The following MCM9 variants were observed in gnomAD, a reference collection of about 807,000 sequenced individuals.
MCM9 encodes the protein DNA helicase MCM9.
Under a neutral mutation model 72.8 loss-of-function variants are expected in MCM9, and 55 were observed. That is an observed-to-expected ratio of 0.76 (90% CI 0.61 to 0.95). The LOEUF is 0.95. Among genes scored for constraint, MCM9 ranks in the 40% least tolerant of loss-of-function variants. The probability of loss-of-function intolerance (pLI) is 0.00; values close to 1 mark genes in which losing one functional copy is unlikely to be tolerated. For missense variants in MCM9, 1,279 were observed against 1,377.0 expected, an observed-to-expected ratio of 0.93 and a Z score of 1.13; for synonymous variants, 480 against 503.4, an observed-to-expected ratio of 0.95 and a Z score of 0.62.
chr6:118,898,816 C>T (rs1050667753), intron 8 of MCM9, among the ~76,000 whole-genome samples: 2 of 152,200 alleles, frequency 1.3e-5, no homozygotes, highest in African/African-American at 4.8e-5. Context: ...TTTTGGGTCA[C>T]CTACCTCATT....
chr6:118,909,486 GT>G (rs1000202408), intron 8 of MCM9, among the ~76,000 whole-genome samples: 6 of 152,088 alleles, frequency 3.9e-5, no homozygotes, highest in African/African-American at 9.6e-5. Context: ...TAGCACATAA[GT>G]TTTTTTTCCA....
intron 9 of MCM9, among the ~76,000 whole-genome samples, chr6:118,853,469 T>C (rs971727722): frequency 6.6e-6 from 1 of 151,918 alleles, no homozygotes; most frequent in Admixed American, 6.6e-5. Flanking sequence ...TTAATTTCAA[T>C]AGGTTTTTGG....
intron 8 of MCM9, among the ~76,000 whole-genome samples, chr6:118,903,763 T>C (rs1250249253): frequency 6.6e-6 from 1 of 151,128 alleles, no homozygotes; most frequent in African/African-American, 2.5e-5. Context: ...TTTAAATTTG[T>C]TTTTGTAGAG....
chr6:118,833,142 C>T (rs1032758394), intron 9 of MCM9, among the ~76,000 whole-genome samples: 1 of 152,042 alleles, frequency 6.6e-6, no homozygotes, highest in Non-Finnish European at 1.5e-5. Flanking sequence ...GAATCATTGT[C>T]GGAGCAGAGC....
chr6:118,831,188 A>G (rs1266251154), intron 9 of MCM9, among the ~76,000 whole-genome samples: 1 of 152,084 alleles, frequency 6.6e-6, no homozygotes, highest in East Asian at 1.9e-4. Context: ...CCCCATCCCT[A>G]CTAAAAATAC....
chr6:118,856,907 C>G (rs1227648001), intron 8 of MCM9, among the ~76,000 whole-genome samples: 1 of 151,998 alleles, frequency 6.6e-6, no homozygotes, highest in Non-Finnish European at 1.5e-5. Context: ...CATATCTTAA[C>G]CTATGAAAGG....
At chr6:118,919,158 G>A (rs1485073410) in intron 5 of MCM9, 2 of 152,156 alleles carry the variant, frequency 1.3e-5, no homozygotes, top group African/African-American at 4.8e-5. Context: ...TGTTTAGGTT[G>A]TTTCTAAACT....
chr6:118,841,332 G>A (rs1364741052), intron 9 of MCM9, among the ~76,000 whole-genome samples: 1 of 152,142 alleles, frequency 6.6e-6, no homozygotes, highest in Non-Finnish European at 1.5e-5. Context: ...ACCCAGTAGG[G>A]TTGGCTGGAC....
At chr6:118,920,036 G>A (rs1323248390) in intron 5 of MCM9, 1 of 152,108 alleles carries the variant, frequency 6.6e-6, no homozygotes, top group Non-Finnish European at 1.5e-5. Flanking sequence ...AATGACATTT[G>A]AAAGAAAAAC....
chr6:118,842,732 T>C (rs1290702732), intron 9 of MCM9, among the ~76,000 whole-genome samples: 1 of 152,008 alleles, frequency 6.6e-6, no homozygotes, highest in Non-Finnish European at 1.5e-5. Context: ...GTTGCCCAGG[T>C]TGGTCTTGAA....
Position 118,815,591 on chromosome 6 carries a change from C to G in MCM9, c.2665G>C (p.Asp889His). The change falls in exon 14 of 14, where the codon GAC becomes CAC. Residue 889 changes from aspartate to histidine, a missense_variant. Coordinates refer to ENST00000619706, the MANE Select transcript of MCM9 (RefSeq NM_017696.3). Reference protein sequence around the residue: ...TPVHSPDRMLDSPKRKRPKSL... With the variant: ...TPVHSPDRMLHSPKRKRPKSL... ...TTCGGTCTCTTTCTTTTGGGTGAGTCCAGCATTCTGTCTGGGCTATGTACA... is the reference window on the plus strand; with the variant it reads ...TTCGGTCTCTTTCTTTTGGGTGAGTGCAGCATTCTGTCTGGGCTATGTACA... 1.3e-6 allele frequency: 2 copies of G among 1,550,502 alleles called. No individual in the cohort carries two copies. The highest frequency in any genetic ancestry group is 1.7e-6 in the Non-Finnish European group (2 of 1,146,958).
chr6:118,828,315 A>G (rs1774304245), intron 10 of MCM9, among the ~76,000 whole-genome samples, 185 bp from the exon 11 acceptor site: 1 of 152,180 alleles, frequency 6.6e-6, no homozygotes, highest in Admixed American at 6.5e-5. Flanking sequence ...AATAAAGGTA[A>G]GCTTCCTGCC....
At chr6:118,821,908 ATTGAT>A (rs1333169778) in intron 13 of MCM9, among the ~76,000 whole-genome samples, 1 of 151,890 alleles carries the variant, frequency 6.6e-6, no homozygotes, top group Non-Finnish European at 1.5e-5. Context: ...CTCACGCTTG[ATTGAT>A]TTGAGTACTG....
At chr6:118,883,396 A>C (rs1182531927) in intron 8 of MCM9, among the ~76,000 whole-genome samples, 1 of 151,862 alleles carries the variant, frequency 6.6e-6, no homozygotes, top group Non-Finnish European at 1.5e-5. Context: ...GAAGGAGGGG[A>C]ACTAAAAGGA....
At chr6:118,889,367 T>C (rs560559091) in intron 8 of MCM9, among the ~76,000 whole-genome samples, 93 of 152,348 alleles carry the variant, frequency 6.1e-4, no homozygotes, top group Non-Finnish European at 1.0e-3. Context: ...ATGTCATTTG[T>C]CTCTATAGTA....
intron 8 of MCM9, among the ~76,000 whole-genome samples, chr6:118,869,599 C>A (rs377514545): frequency 5.8e-3 from 339 of 58,110 alleles, no homozygotes; most frequent in Middle Eastern, 0.021. Flanking sequence ...AAAGGATTTA[C>A]AAAAAAAAAA....
rs78503624 is a variant in MCM9 at position 118,915,909 on chromosome 6, A to G, written c.904+1652T>C. Among the ~76,000 whole-genome samples the G allele has an allele frequency of 6.5e-3, 995 of 152,352 alleles. 7 individuals carry two copies. The highest frequency in any genetic ancestry group is 0.022 in the African/African-American group (926 of 41,572). On this transcript the variant is annotated intron_variant, in intron 6 of 13. Coordinates refer to ENST00000619706, the MANE Select transcript of MCM9 (RefSeq NM_017696.3). ...CAAGACAGATTCTTTAATTGCCAGCACAAAGCACGTCTGAAGATCTAGTTA... is the reference window on the plus strand; with the variant it reads ...CAAGACAGATTCTTTAATTGCCAGCGCAAAGCACGTCTGAAGATCTAGTTA...
chr6:118,913,446 TCAG>T (rs1318818676), intron 6 of MCM9, 26 bp from the exon 7 acceptor site: 1 of 1,610,994 alleles, frequency 6.2e-7, no homozygotes, highest in Non-Finnish European at 8.5e-7. Flanking sequence ...AGATCAGAAA[TCAG>T]CAATAATTTT....
chr6:118,858,950 T>C (rs1267449033), intron 8 of MCM9, among the ~76,000 whole-genome samples: 1 of 152,146 alleles, frequency 6.6e-6, no homozygotes, highest in African/African-American at 2.4e-5. Context: ...ATGATTTATA[T>C]AGAGAAGCAA....
Sources: gnomAD v4.1 joint callset for allele counts (sites outside exome capture counted in the v4.1 genomes callset) on GRCh38, gnomAD v4.1.1 for gene constraint, MANE v1.5 for transcripts, NCBI Gene and HGNC (gene_info 2026-07-23, HGNC 2026-07-21) for gene names.